The following KBTBD6 variants were observed in gnomAD, a reference collection of about 807,000 sequenced individuals.
KBTBD6 encodes the protein kelch repeat and BTB domain containing 6.
KBTBD6 carries 6 observed loss-of-function variants against 34.4 expected under a neutral mutation model. The observed-to-expected ratio is 0.17, with a 90% confidence interval of 0.10 to 0.34. The LOEUF is 0.34. KBTBD6 is among the 10% of genes least tolerant of loss of function. The pLI, the probability that KBTBD6 is intolerant of heterozygous loss-of-function variation, is 1.00. For missense variants in KBTBD6, 557 were observed against 856.0 expected, an observed-to-expected ratio of 0.65 and a Z score of 4.36; for synonymous variants, 288 against 327.2, an observed-to-expected ratio of 0.88 and a Z score of 1.29.
chr13:41,128,427 A>T lies in KBTBD6; in HGVS notation c.*2060T>A. The T allele has an allele frequency of 2.5e-6, 1 of 392,664 alleles. No individual in the cohort carries two copies. Among genetic ancestry groups the T allele is most frequent in the Non-Finnish European group, 4.5e-6 (1 of 221,990 alleles). 24.3% of individuals were successfully genotyped at this position (392,664 alleles called of 1,614,324 possible). A position where few individuals can be genotyped will look rare whatever the true frequency, so the allele number is the denominator to read the frequency against. On this transcript the variant is annotated 3_prime_UTR_variant, in exon 1 of 1. Coordinates refer to ENST00000379485, the MANE Select transcript of KBTBD6 (RefSeq NM_152903.5). The stretch of plus-strand genomic sequence containing the variant: ...TGTTTAACAATGTCAGTTTCGTGGG[A>T]TTTAGTCTCTGTTCCAGGACCTTCT...
At position 41,132,622 on chromosome 13, in the gene KBTBD6, G is replaced by A; in HGVS notation, c.-111C>T. The A allele has an allele frequency of 7.9e-7, 1 of 1,271,624 alleles. No homozygotes were observed. Among genetic ancestry groups the A allele is most frequent in the East Asian group, 2.4e-5 (1 of 42,204 alleles). The allele number at this position is 1,271,624 out of a possible 1,614,324, so 78.8% of individuals were successfully genotyped here. ...AGATAGCAGCGTCTCCGAAGAGACA[G>A]CAGCACGAGCCCATTTACTGAATTC... On this transcript the variant is annotated 5_prime_UTR_variant, in exon 1 of 1. Coordinates refer to ENST00000379485, the MANE Select transcript of KBTBD6 (RefSeq NM_152903.5).
rs2138518938 is a variant in KBTBD6, at chr13:41,132,774, G to A, written c.-263C>T. On this transcript the variant is annotated 5_prime_UTR_variant, in exon 1 of 1. Transcript: ENST00000379485. Reference sequence around the variant, plus strand: ...GACCCGCTGGCTTGGAGCCGCAGAAGCCGCTACTGCAGCGTGGGCGACAAT... The same window carrying A: ...GACCCGCTGGCTTGGAGCCGCAGAAACCGCTACTGCAGCGTGGGCGACAAT... The A allele has an allele frequency of 1.9e-6, 1 of 529,292 alleles. No homozygotes were observed. The highest frequency in any genetic ancestry group is 3.4e-6 in the Non-Finnish European group (1 of 290,382). The allele number at this position is 529,292 out of a possible 1,614,324, so 32.8% of individuals were successfully genotyped here.
chr13:41,129,691 G>T lies in KBTBD6; in HGVS notation c.*796C>A, dbSNP rs1295960608. 1 of 107,460 alleles carries T rather than the reference G, an allele frequency of 9.3e-6. No individual in the cohort carries two copies. The allele number at this position is 107,460 out of a possible 1,614,324, so 6.7% of individuals were successfully genotyped here. ...TTTTTTTTTTTTTTTTTTTTGAGACGGAGTCTCACTCTGTCATCCAGGCTG... is the reference window on the plus strand; with the variant it reads ...TTTTTTTTTTTTTTTTTTTTGAGACTGAGTCTCACTCTGTCATCCAGGCTG... On this transcript the variant is annotated 3_prime_UTR_variant, in exon 1 of 1. Coordinates refer to ENST00000379485, the MANE Select transcript of KBTBD6 (RefSeq NM_152903.5).
Position 41,131,167 on chromosome 13 carries a change from C to G in KBTBD6, c.1345G>C (p.Val449Leu). 3 of 1,614,200 alleles carry G rather than the reference C, an allele frequency of 1.9e-6. No homozygotes were observed. Among genetic ancestry groups the G allele is most frequent in the Non-Finnish European group, 2.5e-6 (3 of 1,180,030 alleles). ...ILGGRDPITG[V>L]KLKEVECYNV... is the part of the protein sequence containing the mutation. Reference sequence around the variant, plus strand: ...TAGCATTCCACTTCCTTCAACTTAACTCCAGTAATAGGGTCTCGCCCCCCC... The same window carrying G: ...TAGCATTCCACTTCCTTCAACTTAAGTCCAGTAATAGGGTCTCGCCCCCCC... The change falls in exon 1 of 1, where the codon GTT (valine) becomes CTT (leucine). Residue 449 changes from valine (V) to leucine (L), a missense_variant. By Grantham distance (32) the Val-to-Leu change is conservative. Coordinates refer to ENST00000379485, the MANE Select transcript of KBTBD6 (RefSeq NM_152903.5). The surrounding 1 kb of genome is among the most constrained non-coding windows in gnomAD (Gnocchi z 5.8).
At position 41,130,936 on chromosome 13, in the gene KBTBD6, A is replaced by T; in HGVS notation, c.1576T>A (p.Tyr526Asn). 1 of 1,614,144 alleles carries T rather than the reference A, an allele frequency of 6.2e-7. No homozygotes were observed. ...ATGACTGGGATATCACAGATACAATAGATCTCCTCATTGAAGACGCAGGCT... is the reference window on the plus strand; with the variant it reads ...ATGACTGGGATATCACAGATACAATTGATCTCCTCATTGAAGACGCAGGCT... ...QEACVFNEEI[Y>N]CICDIPVMKV... is the part of the protein sequence containing the mutation. The change falls in exon 1 of 1, where the codon TAT becomes AAT. Residue 526 changes from tyrosine (Y) to asparagine (N), a missense_variant. Physicochemically the swap from Tyr to Asn is moderately radical, Grantham distance 143. Around this residue, in one of 4 missense-constraint regions of KBTBD6, gnomAD observed 309 missense variants for 504.5 expected, o/e 0.61. Transcript: ENST00000379485. The surrounding 1 kb of genome is among the most constrained non-coding windows in gnomAD (Gnocchi z 4.8).
rs1331393930 is a variant in KBTBD6 at position 41,132,256 on chromosome 13, G to T, written c.256C>A (p.Arg86Ser). The change falls in exon 1 of 1, where the codon CGC (arginine) becomes AGC (serine). Residue 86 changes from arginine to serine, a missense_variant. Physicochemically the swap from Arg to Ser is moderately radical, Grantham distance 110 (BLOSUM62 -1). Around this residue, in one of 4 missense-constraint regions of KBTBD6, gnomAD observed 108 missense variants for 209.6 expected, o/e 0.52. Coordinates refer to ENST00000379485, the MANE Select transcript of KBTBD6 (RefSeq NM_152903.5). ...GGACATGCCGCGGCCAGCACATTGC[G>T]GTTGCAGGGGAACAGGCGACCCGTG... ...PGTGRLFPCN[R>S]NVLAAACPYF... 1 of 1,614,102 alleles carries T rather than the reference G, an allele frequency of 6.2e-7. No homozygotes were observed. Among genetic ancestry groups the T allele is most frequent in the Non-Finnish European group, 8.5e-7 (1 of 1,180,052 alleles).
chr13:41,131,347 T>C lies in KBTBD6; in HGVS notation c.1165A>G (p.Ile389Val), dbSNP rs771354828. 9 of 1,613,940 alleles carry C rather than the reference T, an allele frequency of 5.6e-6. No homozygotes were observed. The highest frequency in any genetic ancestry group is 3.3e-4 in the Middle Eastern group (2 of 6,084). ...AGATAGATGTCATGGTCAGGAGAGA[T>C]ACAGACAGCTAAAGTGGTGACAGTC... ...TRTVTTLAVCISPDHDIYLAA... is the reference protein window; with the variant it reads ...TRTVTTLAVCVSPDHDIYLAA... The change falls in exon 1 of 1, where the codon ATC becomes GTC. Residue 389 changes from isoleucine to valine, a missense_variant. Around this residue, in one of 4 missense-constraint regions of KBTBD6, gnomAD observed 309 missense variants for 504.5 expected, o/e 0.61. Transcript: ENST00000379485. This position sits in a 1 kb window ranked among gnomAD's most constrained non-coding sequence, Gnocchi z 5.8.
In KBTBD6 at chr13:41,129,290, T is replaced by C. The variant is rs941253007; in HGVS notation, c.*1197A>G. 3.3e-5 allele frequency: 5 copies of C among 152,312 alleles called. No homozygotes were observed. Among genetic ancestry groups the C allele is most frequent in the Admixed American group, 1.3e-4 (2 of 15,274 alleles). The allele number at this position is 152,312 out of a possible 1,614,324, so 9.4% of individuals were successfully genotyped here. A position where few individuals can be genotyped will look rare whatever the true frequency, so the allele number is the denominator to read the frequency against. On this transcript the variant is annotated 3_prime_UTR_variant, in exon 1 of 1. Coordinates refer to ENST00000379485, the MANE Select transcript of KBTBD6 (RefSeq NM_152903.5). ...AGAATCATGTAAATGTTTAAGGCAA[T>C]AGATAAAAATTTATACAATCCAGTG...
At position 41,128,651 on chromosome 13, in the gene KBTBD6, T is replaced by C. The variant is rs1330998873; in HGVS notation, c.*1836A>G. ...CTATCAACTTTGTTTTTCTAAGAGATGGGATCTCGTTCTGTTGCCAAAGCT... is the reference window on the plus strand; with the variant it reads ...CTATCAACTTTGTTTTTCTAAGAGACGGGATCTCGTTCTGTTGCCAAAGCT... On this transcript the variant is annotated 3_prime_UTR_variant, in exon 1 of 1. Coordinates refer to ENST00000379485, the MANE Select transcript of KBTBD6 (RefSeq NM_152903.5). The C allele has an allele frequency of 2.6e-6, 1 of 383,730 alleles. No homozygotes were observed. Among genetic ancestry groups the C allele is most frequent in the Non-Finnish European group, 4.6e-6 (1 of 215,780 alleles). 23.8% of individuals were successfully genotyped at this position (383,730 alleles called of 1,614,324 possible).
rs2138515671 is a variant in KBTBD6 at position 41,129,136 on chromosome 13, A to G, written c.*1351T>C. On this transcript the variant is annotated 3_prime_UTR_variant, in exon 1 of 1. Transcript: ENST00000379485. ...GTTAACACAATGACTACTGATATCA[A>G]CGAAATACTGTTTTTAGCTTATATA... is the stretch of plus-strand genomic sequence containing the variant. The G allele has an allele frequency of 6.5e-6, 1 of 152,784 alleles. No homozygotes were observed. Among genetic ancestry groups the G allele is most frequent in the East Asian group, 1.9e-4 (1 of 5,196 alleles). 9.5% of individuals were successfully genotyped at this position (152,784 alleles called of 1,614,324 possible). A position where few individuals can be genotyped will look rare whatever the true frequency, so the allele number is the denominator to read the frequency against.
In KBTBD6 at chr13:41,131,421, C is replaced by T; in HGVS notation, c.1091G>A (p.Gly364Glu). Residue 364 changes from glycine to glutamate, a missense_variant, in exon 1 of 1, where the codon GGG becomes GAG. By Grantham distance (98) the Gly-to-Glu change is moderately conservative (BLOSUM62 -2). Around this residue, in one of 4 missense-constraint regions of KBTBD6, gnomAD observed 309 missense variants for 504.5 expected, o/e 0.61. Coordinates refer to ENST00000379485, the MANE Select transcript of KBTBD6 (RefSeq NM_152903.5). The surrounding 1 kb of genome is among the most constrained non-coding windows in gnomAD (Gnocchi z 5.8). ...DPFLCCDPYS[G>E]DLYKVPSPLT... ...AGGTGACGGCACTTTGTAAAGGTCC[C>T]CCGAGTATGGATCACAGCAGAGAAA... The T allele has an allele frequency of 6.2e-7, 1 of 1,614,070 alleles. No homozygotes were observed. The highest frequency in any genetic ancestry group is 8.5e-7 in the Non-Finnish European group (1 of 1,179,988).
rs150965503 is a variant in KBTBD6 at position 41,132,242 on chromosome 13, G to A, written c.270C>T (p.Ala90=). ...RLFPCNRNVL[A]AACPYFKSMF... is the part of the protein sequence containing the mutation. Reference sequence around the variant, plus strand: ...TGCTCTTGAAGTAGGGACATGCCGCGGCCAGCACATTGCGGTTGCAGGGGA... The same window carrying A: ...TGCTCTTGAAGTAGGGACATGCCGCAGCCAGCACATTGCGGTTGCAGGGGA... Residue 90 remains alanine (A), a synonymous_variant, in exon 1 of 1, where the codon GCC becomes GCT. Coordinates refer to ENST00000379485, the MANE Select transcript of KBTBD6 (RefSeq NM_152903.5). 1.3e-4 allele frequency: 213 copies of A among 1,614,200 alleles called. 1 individual carries two copies. The highest frequency in any genetic ancestry group is 1.2e-4 in the Admixed American group (7 of 60,032).
Position 41,128,480 on chromosome 13 carries a change from G to A in KBTBD6, c.*2007C>T. The A allele has an allele frequency of 2.5e-6, 1 of 396,758 alleles. No individual in the cohort carries two copies. Among genetic ancestry groups the A allele is most frequent in the Non-Finnish European group, 4.4e-6 (1 of 224,774 alleles). 24.6% of individuals were successfully genotyped at this position (396,758 alleles called of 1,614,324 possible). A position where few individuals can be genotyped will look rare whatever the true frequency, so the allele number is the denominator to read the frequency against. ...TACATTATGGTAACAGAAAAACAAA[G>A]ACTGGAGCATGGTTTACAGAGAAAT... On this transcript the variant is annotated 3_prime_UTR_variant, in exon 1 of 1. Coordinates refer to ENST00000379485, the MANE Select transcript of KBTBD6 (RefSeq NM_152903.5).
chr13:41,130,702 G>C lies in KBTBD6; in HGVS notation c.1810C>G (p.Leu604Val). 6.2e-7 allele frequency: 1 copy of C among 1,614,122 alleles called. No individual in the cohort carries two copies. Among genetic ancestry groups the C allele is most frequent in the Non-Finnish European group, 8.5e-7 (1 of 1,180,028 alleles). ...AAAAAGTTAGAATCAAACTGCAAGAGGCCTAATGTGGTACCTATATTAATC... is the reference window on the plus strand; with the variant it reads ...AAAAAGTTAGAATCAAACTGCAAGACGCCTAATGTGGTACCTATATTAATC... ...QWINIGTTLGLLQFDSNFFCL... is the reference protein window; with the variant it reads ...QWINIGTTLGVLQFDSNFFCL... The change falls in exon 1 of 1, where the codon CTC becomes GTC. Residue 604 changes from leucine (L) to valine (V), a missense_variant. Leu to Val is a conservative substitution (Grantham distance 32). Transcript: ENST00000379485. The surrounding 1 kb of genome is among the most constrained non-coding windows in gnomAD (Gnocchi z 4.8).
Position 41,131,166 on chromosome 13 carries a change from A to G in KBTBD6, c.1346T>C (p.Val449Ala). 1 of 1,614,022 alleles carries G rather than the reference A, an allele frequency of 6.2e-7. No individual in the cohort carries two copies. The part of the protein sequence containing the change: ...ILGGRDPITG[V>A]KLKEVECYNV... The stretch of plus-strand genomic sequence containing the variant: ...GTAGCATTCCACTTCCTTCAACTTA[A>G]CTCCAGTAATAGGGTCTCGCCCCCC... Residue 449 changes from valine to alanine, a missense_variant, in exon 1 of 1, where the codon GTT becomes GCT. Physicochemically the swap from Val to Ala is moderately conservative, Grantham distance 64. Transcript: ENST00000379485. The surrounding 1 kb of genome is among the most constrained non-coding windows in gnomAD (Gnocchi z 5.8).
chr13:41,130,663 G>C lies in KBTBD6; in HGVS notation c.1849C>G (p.Arg617Gly), dbSNP rs1345787821. ...FDSNFFCLSA[R>G]VYPSCLEPGQ... is the part of the protein sequence containing the mutation. The stretch of plus-strand genomic sequence containing the variant: ...GGTTCAAGGCAGGAAGGATAAACAC[G>C]AGCAGAGAGGCAAAAAAAGTTAGAA... Residue 617 changes from arginine (R) to glycine (G), a missense_variant, in exon 1 of 1, where the codon CGT becomes GGT. Around this residue, in one of 4 missense-constraint regions of KBTBD6, gnomAD observed 309 missense variants for 504.5 expected, o/e 0.61. Transcript: ENST00000379485. This position sits in a 1 kb window ranked among gnomAD's most constrained non-coding sequence, Gnocchi z 4.8. The C allele has an allele frequency of 6.2e-7, 1 of 1,614,032 alleles. No homozygotes were observed. The highest frequency in any genetic ancestry group is 8.5e-7 in the Non-Finnish European group (1 of 1,180,036).
Position 41,128,603 on chromosome 13 carries a change from C to T in KBTBD6, c.*1884G>A, listed in dbSNP as rs1260081316. 2 of 395,894 alleles carry T rather than the reference C, an allele frequency of 5.1e-6. No homozygotes were observed. Among genetic ancestry groups the T allele is most frequent in the Non-Finnish European group, 4.5e-6 (1 of 224,274 alleles). The allele number at this position is 395,894 out of a possible 1,614,324, so 24.5% of individuals were successfully genotyped here. A position where few individuals can be genotyped will look rare whatever the true frequency, so the allele number is the denominator to read the frequency against. On this transcript the variant is annotated 3_prime_UTR_variant, in exon 1 of 1. Coordinates refer to ENST00000379485, the MANE Select transcript of KBTBD6 (RefSeq NM_152903.5). The stretch of plus-strand genomic sequence containing the variant: ...TACTTTCACTAGTGGCCTCAAATGC[C>T]ATCATCCACTTATGTTCTTTAACTA...
In KBTBD6 at chr13:41,131,586, T is replaced by C. The variant is rs781400543; in HGVS notation, c.926A>G (p.Lys309Arg). 3 of 1,613,920 alleles carry C rather than the reference T, an allele frequency of 1.9e-6. No homozygotes were observed. Among genetic ancestry groups the C allele is most frequent in the Non-Finnish European group, 2.5e-6 (3 of 1,179,834 alleles). ...GCTGTTTGGCACTGGCACCAGAGAC[T>C]TGTACAACAGGTCACCATAGCGCAT... is the stretch of plus-strand genomic sequence containing the variant. ...LQMRYGDLLY[K>R]SLVPVPNSSS... is the part of the protein sequence containing the mutation. The change falls in exon 1 of 1, where the codon AAG (lysine) becomes AGG (arginine). Residue 309 changes from lysine to arginine, a missense_variant. Lys to Arg is a conservative substitution (Grantham distance 26, BLOSUM62 2). Transcript: ENST00000379485. This position sits in a 1 kb window ranked among gnomAD's most constrained non-coding sequence, Gnocchi z 5.8.
At position 41,130,310 on chromosome 13, in the gene KBTBD6, T is replaced by G; in HGVS notation, c.*177A>C. The G allele has an allele frequency of 1.8e-6, 1 of 545,932 alleles. No homozygotes were observed. Among genetic ancestry groups the G allele is most frequent in the Non-Finnish European group, 3.2e-6 (1 of 311,414 alleles). 33.8% of individuals were successfully genotyped at this position (545,932 alleles called of 1,614,324 possible). ...AAAAGGTTGATTTGAGTGTTAAAAT[T>G]TGTAACATTAAATTACCTTCGTATT... On this transcript the variant is annotated 3_prime_UTR_variant, in exon 1 of 1. Coordinates refer to ENST00000379485, the MANE Select transcript of KBTBD6 (RefSeq NM_152903.5). The surrounding 1 kb of genome is among the most constrained non-coding windows in gnomAD (Gnocchi z 4.8).
Sources: gnomAD v4.1 joint callset for allele counts on GRCh38, gnomAD v4.1.1 for gene constraint, gnomAD v4.1.1 regional missense constraint, Gnocchi (gnomAD v3.1) non-coding constraint, MANE v1.5 for transcripts, NCBI Gene and HGNC (gene_info 2026-07-23, HGNC 2026-07-21) for gene names.